The following UGGT2 variants were observed in gnomAD, a reference collection of about 807,000 sequenced individuals.
UGGT2 encodes UDP-glucose:glycoprotein glucosyltransferase 2.
UGGT2 carries 180 observed loss-of-function variants against 192.1 expected under a neutral mutation model. The ratio of observed to expected loss-of-function variants is 0.94; its 90% CI spans 0.83 to 1.06. The LOEUF (loss-of-function observed/expected upper bound fraction) is 1.06. UGGT2 is among the 50% of genes least tolerant of loss of function. UGGT2 has a pLI of 0.00. For missense variants in UGGT2, 1,849 were observed against 1,795.7 expected (o/e 1.03, Z -0.54); for synonymous variants, 580 against 591.0 (o/e 0.98, Z 0.27).
chr13:95,858,500 G>C (rs1435478807), intron 33 of UGGT2, among the ~76,000 whole-genome samples: 1 of 152,004 alleles, frequency 6.6e-6, no homozygotes, highest in Non-Finnish European at 1.5e-5. Flanking sequence ...GAGCTTCCCT[G>C]GTTGGCAATA....
At chr13:96,013,583 T>C in intron 4 of UGGT2, 102 bp from the exon 5 acceptor site, 1 of 742,680 alleles carries the variant, frequency 1.3e-6, no homozygotes, top group Non-Finnish European at 1.9e-6. Context: ...ATATACATAA[T>C]CACAGAAAAA....
intron 12 of UGGT2, among the ~76,000 whole-genome samples, chr13:95,964,564 G>A (rs1316041920): frequency 1.3e-5 from 2 of 151,786 alleles, no homozygotes; most frequent in African/African-American, 4.8e-5. Context: ...TTGCTACAGG[G>A]GCTAATATTA....
intron 26 of UGGT2, chr13:95,887,173 T>C (rs2047668671): frequency 7.6e-6 from 3 of 393,200 alleles, no homozygotes; most frequent in South Asian, 6.0e-5. Context: ...GTCTTGTGTG[T>C]GTATGCATAC....
At chr13:95,991,488 A>G (rs778269316) in intron 7 of UGGT2, 1 of 454,910 alleles carries the variant, frequency 2.2e-6, no homozygotes, top group South Asian at 1.6e-5. Context: ...GAAAAGTGAA[A>G]TAAAAAATAC....
chr13:95,868,958 A>G (rs1247268039), intron 29 of UGGT2, among the ~76,000 whole-genome samples: 1 of 151,924 alleles, frequency 6.6e-6, no homozygotes, highest in Non-Finnish European at 1.5e-5. Context: ...ATATGTATAC[A>G]TGTGCCATGT....
At chr13:95,915,682 A>G (rs923896315) in intron 20 of UGGT2, among the ~76,000 whole-genome samples, 7 of 152,150 alleles carry the variant, frequency 4.6e-5, no homozygotes, top group African/African-American at 1.2e-4. Flanking sequence ...ATCTCTGCAG[A>G]TTGGTCGACT....
At chr13:96,028,241 G>T (rs1226688672) in intron 2 of UGGT2, among the ~76,000 whole-genome samples, 2 of 152,324 alleles carry the variant, frequency 1.3e-5, no homozygotes, top group African/African-American at 2.4e-5. Flanking sequence ...CATTTCAAAT[G>T]TGGCACGTCC....
At chr13:95,820,949 C>A (rs925388153) in intron 38 of UGGT2, among the ~76,000 whole-genome samples, 2 of 151,976 alleles carry the variant, frequency 1.3e-5, no homozygotes, top group African/African-American at 2.4e-5. Flanking sequence ...ATTTTCATTC[C>A]TTTTAGTCCA....
chr13:95,896,869 G>A (rs753394175), intron 22 of UGGT2, among the ~76,000 whole-genome samples: 1 of 152,056 alleles, frequency 6.6e-6, no homozygotes, highest in Non-Finnish European at 1.5e-5. Flanking sequence ...TGATTTTTCA[G>A]TTACATAGAA....
chr13:95,924,348 G>A lies in UGGT2; in HGVS notation c.2295+1332C>T, dbSNP rs190612193. Among the ~76,000 whole-genome samples, 471 of 137,184 alleles carry A rather than the reference G, an allele frequency of 3.4e-3. 3 individuals carry two copies. Among genetic ancestry groups the A allele is most frequent in the African/African-American group, 0.012 (450 of 38,178 alleles). 90.0% of individuals were successfully genotyped at this position (137,184 alleles called of 152,430 possible). A position where few individuals can be genotyped will look rare whatever the true frequency, so the allele number is the denominator to read the frequency against. On this transcript the variant is annotated intron_variant, in intron 20 of 38. Transcript: ENST00000376747. ...CAGAACCGCTTGAGAAGAAACAGCA[G>A]GCAAAAGTTAATTTCTCCCAATAGA...
chr13:95,917,634 G>A (rs1381839394), intron 20 of UGGT2, among the ~76,000 whole-genome samples: 2 of 152,082 alleles, frequency 1.3e-5, no homozygotes, highest in African/African-American at 4.8e-5. Context: ...GATAAAGAGT[G>A]GAGACCCATC....
intron 38 of UGGT2, among the ~76,000 whole-genome samples, chr13:95,830,714 G>T (rs941561007): frequency 6.6e-6 from 1 of 152,200 alleles, no homozygotes; most frequent in African/African-American, 2.4e-5. Context: ...GTGGAAGTCA[G>T]TGTGGCGATT....
intron 5 of UGGT2, among the ~76,000 whole-genome samples, chr13:96,006,231 G>A (rs1400637977): frequency 2.0e-5 from 3 of 152,206 alleles, no homozygotes; most frequent in Non-Finnish European, 4.4e-5. Flanking sequence ...TATTAAAACT[G>A]TAAGAAGGAG....
At chr13:95,824,845 C>T (rs1435104636) in intron 38 of UGGT2, among the ~76,000 whole-genome samples, 1 of 152,140 alleles carries the variant, frequency 6.6e-6, no homozygotes, top group Non-Finnish European at 1.5e-5. Context: ...TGTTAAAGAA[C>T]ACTGTTTTGT....
intron 32 of UGGT2, 197 bp from the exon 33 acceptor site, chr13:95,859,872 A>G: frequency 2.4e-6 from 1 of 421,010 alleles, no homozygotes. Flanking sequence ...GGTATGAATT[A>G]GAAGGTTTTC....
intron 20 of UGGT2, among the ~76,000 whole-genome samples, chr13:95,909,874 C>CA (rs891212191): frequency 1.7e-4 from 26 of 149,206 alleles, no homozygotes; most frequent in African/African-American, 6.4e-4. Context: ...GGAAGCCCAT[C>CA]AGACTAACAA....
intron 20 of UGGT2, among the ~76,000 whole-genome samples, chr13:95,913,731 A>C (rs2048581210): frequency 6.6e-6 from 1 of 152,242 alleles, no homozygotes; most frequent in Non-Finnish European, 1.5e-5. Context: ...CAATCCCATT[A>C]CTGCTTATAT....
chr13:95,877,247 G>A, intron 29 of UGGT2, 32 bp downstream of exon 29: 2 of 1,505,326 alleles, frequency 1.3e-6, no homozygotes, highest in Non-Finnish European at 1.8e-6. Context: ...GTATTTATGT[G>A]TAAAAATTTA....
chr13:95,939,937 A>T lies in UGGT2; in HGVS notation c.1812+20T>A. 2 of 1,579,122 alleles carry T rather than the reference A, an allele frequency of 1.3e-6. No homozygotes were observed. The highest frequency in any genetic ancestry group is 1.7e-6 in the Non-Finnish European group (2 of 1,160,022). ...TTTCTGTGCCTGGCCTACTCCACTTAACATAATGTCCCAACTTACCTTTCT... is the reference window on the plus strand; with the variant it reads ...TTTCTGTGCCTGGCCTACTCCACTTTACATAATGTCCCAACTTACCTTTCT... On this transcript the variant is annotated intron_variant, in intron 16 of 38. Coordinates refer to ENST00000376747, the MANE Select transcript of UGGT2 (RefSeq NM_020121.4).
Sources: allele counts gnomAD v4.1 joint callset (sites outside exome capture counted in the v4.1 genomes callset), GRCh38; gene constraint gnomAD v4.1.1; transcripts MANE v1.5; gene names NCBI Gene and HGNC (gene_info 2026-07-23, HGNC 2026-07-21).